The following NKAIN2 variants were observed in gnomAD, a reference collection of about 807,000 sequenced individuals.
NKAIN2 encodes sodium/potassium transporting ATPase interacting 2, also known as sodium/potassium-transporting ATPase subunit beta-1-interacting protein 2.
NKAIN2 carries 14 observed loss-of-function variants against 32.6 expected under a neutral mutation model. The ratio of observed to expected loss-of-function variants is 0.43; its 90% confidence interval spans 0.28 to 0.67. The LOEUF is 0.67. NKAIN2 is among the 30% of genes least tolerant of loss of function. NKAIN2 has a pLI of 0.17. For missense variants in NKAIN2, 198 were observed against 258.3 expected (o/e 0.77, Z 1.60); for synonymous variants, 80 against 87.2 (o/e 0.92, Z 0.46).
intron 3 of NKAIN2, among the ~76,000 whole-genome samples, chr6:124,600,458 C>A (rs1036555604): frequency 1.3e-5 from 2 of 151,980 alleles, no homozygotes; most frequent in African/African-American, 4.8e-5. Flanking sequence ...TGACAGTGAG[C>A]TGGCCCAGAA....
intron 3 of NKAIN2, among the ~76,000 whole-genome samples, chr6:124,445,897 C>G (rs1043628845): frequency 6.6e-6 from 1 of 152,082 alleles, no homozygotes; most frequent in Non-Finnish European, 1.5e-5. Context: ...GTTCATTCAT[C>G]TGGCTAATTC....
intron 3 of NKAIN2, among the ~76,000 whole-genome samples, chr6:124,421,482 TTTGTGTTG>T (rs564067545): frequency 6.6e-6 from 1 of 152,282 alleles, no homozygotes; most frequent in Admixed American, 6.5e-5. Flanking sequence ...AACTAAAACT[TTTGTGTTG>T]AATCAAACTT....
intron 3 of NKAIN2, among the ~76,000 whole-genome samples, chr6:124,585,311 A>T (rs1339185206): frequency 6.6e-6 from 1 of 152,214 alleles, no homozygotes; most frequent in African/African-American, 2.4e-5. Flanking sequence ...AGAGGCTGGG[A>T]AAGGTAGCTG....
intron 1 of NKAIN2, among the ~76,000 whole-genome samples, chr6:124,163,078 A>T (rs113964180): frequency 6.6e-6 from 1 of 152,058 alleles, no homozygotes; most frequent in African/African-American, 2.4e-5. Context: ...TTTCATCTTC[A>T]TACTGTGAAT....
chr6:124,328,973 C>A (rs2115044647), intron 2 of NKAIN2, among the ~76,000 whole-genome samples: 1 of 152,310 alleles, frequency 6.6e-6, no homozygotes, highest in Non-Finnish European at 1.5e-5. Context: ...ACAACCCCTC[C>A]ACATTAGTGG....
chr6:124,692,888 G>A (rs1774326936), intron 4 of NKAIN2, among the ~76,000 whole-genome samples: 2 of 151,984 alleles, frequency 1.3e-5, no homozygotes, highest in South Asian at 2.1e-4. Flanking sequence ...ATCACAAGAC[G>A]AACTATGCAT....
intron 1 of NKAIN2, among the ~76,000 whole-genome samples, chr6:123,980,074 T>A (rs949426766): frequency 1.3e-5 from 2 of 152,192 alleles, no homozygotes; most frequent in African/African-American, 2.4e-5. Flanking sequence ...GGGAATATAT[T>A]TGAATTTGAT....
At chr6:124,726,059 G>C (rs543555563) in intron 4 of NKAIN2, among the ~76,000 whole-genome samples, 1 of 152,256 alleles carries the variant, frequency 6.6e-6, no homozygotes, top group Admixed American at 6.5e-5. Context: ...AGGGTCCTAC[G>C]CCCACGGAGT....
At chr6:124,015,668 T>A (rs1276541816) in intron 1 of NKAIN2, among the ~76,000 whole-genome samples, 3 of 152,214 alleles carry the variant, frequency 2.0e-5, no homozygotes, top group Non-Finnish European at 4.4e-5. Flanking sequence ...AATCATTAGC[T>A]ATGACTGGGT....
chr6:124,353,434 A>C (rs1298454344), intron 2 of NKAIN2, among the ~76,000 whole-genome samples: 1 of 152,192 alleles, frequency 6.6e-6, no homozygotes, highest in East Asian at 1.9e-4. Context: ...AGAAAGTAAA[A>C]GTATTCAAGA....
At chr6:123,960,326 C>A (rs889042830) in intron 1 of NKAIN2, among the ~76,000 whole-genome samples, 4 of 152,148 alleles carry the variant, frequency 2.6e-5, no homozygotes, top group Non-Finnish European at 4.4e-5. Flanking sequence ...CCAGTAAGCC[C>A]TTGCTGTTGT....
At chr6:124,733,699 G>C (rs1583756363) in intron 4 of NKAIN2, among the ~76,000 whole-genome samples, 1 of 151,828 alleles carries the variant, frequency 6.6e-6, no homozygotes, top group East Asian at 1.9e-4. Flanking sequence ...GATTAGAATT[G>C]GGGACATTAG....
chr6:124,645,623 A>G (rs573915081), intron 3 of NKAIN2, among the ~76,000 whole-genome samples: 1 of 152,280 alleles, frequency 6.6e-6, no homozygotes, highest in South Asian at 2.1e-4. Flanking sequence ...ATCTTATGTG[A>G]GAGACAACAA....
chr6:124,794,803 T>C (rs1779929347), intron 5 of NKAIN2: 9 of 731,430 alleles, frequency 1.2e-5, no homozygotes, highest in Non-Finnish European at 1.5e-5. Flanking sequence ...TTTGGGTTGA[T>C]ATTCTCTGTA....
intron 1 of NKAIN2, among the ~76,000 whole-genome samples, chr6:124,257,923 C>A (rs1403770736): frequency 6.6e-6 from 1 of 151,428 alleles, no homozygotes; most frequent in Non-Finnish European, 1.5e-5. Flanking sequence ...GGATTACAGG[C>A]ACCCGCCACC....
At chr6:124,119,339 A>G (rs925893736) in intron 1 of NKAIN2, among the ~76,000 whole-genome samples, 3 of 152,154 alleles carry the variant, frequency 2.0e-5, no homozygotes, top group Non-Finnish European at 4.4e-5. Context: ...ATAATAAATC[A>G]TGTGCACCTG....
At chr6:124,065,492 G>A (rs535861164) in intron 1 of NKAIN2, among the ~76,000 whole-genome samples, 37 of 152,222 alleles carry the variant, frequency 2.4e-4, no homozygotes, top group South Asian at 1.5e-3. Flanking sequence ...AATAGGATTA[G>A]TACCCTTATA....
chr6:124,050,357 G>A (rs1402090994), intron 1 of NKAIN2, among the ~76,000 whole-genome samples: 1 of 152,008 alleles, frequency 6.6e-6, no homozygotes, highest in African/African-American at 2.4e-5. Context: ...TACAGAAGAA[G>A]TAAAATATAT....
chr6:124,705,245 T>C (rs1688138561), intron 4 of NKAIN2, among the ~76,000 whole-genome samples: 1 of 151,858 alleles, frequency 6.6e-6, no homozygotes, highest in African/African-American at 2.4e-5. Context: ...AGATTGGGAG[T>C]CCTTTAGTTA....
Sources: gnomAD v4.1 joint callset for allele counts (sites outside exome capture counted in the v4.1 genomes callset) on GRCh38, gnomAD v4.1.1 for gene constraint, MANE v1.5 for transcripts, NCBI Gene and HGNC (gene_info 2026-07-23, HGNC 2026-07-21) for gene names.